The following ASTN2 variants were observed in gnomAD, a reference collection of about 807,000 sequenced individuals.
The protein encoded by ASTN2 is astrotactin 2, also known as astrotactin-2.
A neutral mutation model predicts 139.8 loss-of-function variants in ASTN2; 54 were observed. The ratio of observed to expected loss-of-function variants is 0.39; its 90% confidence interval spans 0.31 to 0.48. The LOEUF (loss-of-function observed/expected upper bound fraction) is 0.48. Ranked by LOEUF, ASTN2 falls within the 20% of genes least tolerant of loss-of-function variation. The probability of loss-of-function intolerance (pLI) is 0.95; values close to 1 mark genes in which losing one functional copy is unlikely to be tolerated. For missense variants in ASTN2, 1,565 were observed against 1,725.1 expected, an observed-to-expected ratio of 0.91 and a Z score of 1.64; for synonymous variants, 756 against 719.5, an observed-to-expected ratio of 1.05 and a Z score of -0.81.
chr9:117,361,658 G>A (rs1403662268), intron 1 of ASTN2, among the ~76,000 whole-genome samples: 4 of 152,142 alleles, frequency 2.6e-5, no homozygotes, highest in African/African-American at 7.2e-5. Context: ...CCATGGGGCA[G>A]TTCCCTGGAC....
intron 3 of ASTN2, among the ~76,000 whole-genome samples, chr9:117,200,296 T>A (rs1390537975): frequency 6.6e-6 from 1 of 150,776 alleles, no homozygotes; most frequent in African/African-American, 2.4e-5. Context: ...TATAAAATTA[T>A]GTCATCTGCA....
intron 13 of ASTN2, among the ~76,000 whole-genome samples, chr9:116,796,335 T>C (rs573225391): frequency 6.6e-6 from 1 of 152,270 alleles, no homozygotes; most frequent in Admixed American, 6.5e-5. Flanking sequence ...CACTTGGAAA[T>C]ACTGGTAAAA....
rs576395677 is a variant in ASTN2, at chr9:116,544,277, G to A, written c.3356-56777C>T. 1.1e-3 allele frequency among the ~76,000 whole-genome samples: 171 copies of A among 152,264 alleles called. 4 individuals carry two copies. The South Asian group carries it at 0.035, about 31-fold the overall frequency. Reference sequence around the variant, plus strand: ...ATGGAGTGTCCCCAGATATTTGGGGGAGGAGATAGGAGCAACCCAGAAACC... The same window carrying A: ...ATGGAGTGTCCCCAGATATTTGGGGAAGGAGATAGGAGCAACCCAGAAACC... On this transcript the variant is annotated intron_variant, in intron 19 of 22. Coordinates refer to ENST00000313400, the MANE Select transcript of ASTN2 (RefSeq NM_001365068.1).
chr9:116,502,701 A>C (rs1205428413), intron 19 of ASTN2, among the ~76,000 whole-genome samples: 6 of 41,788 alleles, frequency 1.4e-4, no homozygotes, highest in Non-Finnish European at 3.2e-4. Flanking sequence ...GAAGGAAGGA[A>C]GGAAGGAAGG....
chr9:116,518,231 G>A (rs1850729173), intron 19 of ASTN2, among the ~76,000 whole-genome samples: 1 of 152,098 alleles, frequency 6.6e-6, no homozygotes, highest in Non-Finnish European at 1.5e-5. Context: ...TCAGGACAAA[G>A]GAAAGAATCT....
intron 11 of ASTN2, among the ~76,000 whole-genome samples, chr9:116,823,200 C>A (rs909503653): frequency 6.6e-6 from 1 of 152,188 alleles, no homozygotes; most frequent in Non-Finnish European, 1.5e-5. Flanking sequence ...CAATTTCTTG[C>A]AGCAGACAAG....
chr9:116,735,769 G>A lies in ASTN2; in HGVS notation c.2397-2246C>T, dbSNP rs138463648. On this transcript the variant is annotated intron_variant, in intron 13 of 22. Coordinates refer to ENST00000313400, the MANE Select transcript of ASTN2 (RefSeq NM_001365068.1). ...AGGCTAAGGGTGAGGAGGTAGCTCA[G>A]CCTTGGAAGCTGAGAAGAGCCTATG... Among the ~76,000 whole-genome samples the A allele has an allele frequency of 3.5e-3, 534 of 152,300 alleles. 4 individuals carry two copies. Among genetic ancestry groups the A allele is most frequent in the African/African-American group, 0.01 (427 of 41,560 alleles).
intron 3 of ASTN2, among the ~76,000 whole-genome samples, chr9:117,213,611 T>C (rs929803858): frequency 1.3e-5 from 2 of 152,172 alleles, no homozygotes. Context: ...AAGTCTAATA[T>C]GAGCCAGCAA....
intron 3 of ASTN2, among the ~76,000 whole-genome samples, chr9:117,151,797 C>A (rs1395983609): frequency 6.6e-6 from 1 of 152,130 alleles, no homozygotes; most frequent in East Asian, 1.9e-4. Context: ...CAAGAGAATT[C>A]ATCTTCAAGC....
chr9:116,508,382 T>C (rs75332655), intron 19 of ASTN2, among the ~76,000 whole-genome samples: 6,067 of 152,240 alleles, frequency 0.04, 189 homozygotes, highest in Non-Finnish European at 0.062. Flanking sequence ...CCTGCAAGAA[T>C]TTCCGTATGC....
intron 11 of ASTN2, among the ~76,000 whole-genome samples, chr9:116,839,884 T>TTATTA (rs1564297197): frequency 0.024 from 1,916 of 79,134 alleles, 21 homozygotes; most frequent in African/African-American, 0.075. Context: ...TATTATTATT[T>TTATTA]TTTTTTTTTT....
intron 20 of ASTN2, among the ~76,000 whole-genome samples, chr9:116,485,002 T>A (rs150120404): frequency 1.3e-5 from 2 of 152,192 alleles, no homozygotes; most frequent in Non-Finnish European, 1.5e-5. Flanking sequence ...GGTTACTCCT[T>A]CTGTATTAGT....
chr9:116,845,597 G>C (rs1477842025), intron 11 of ASTN2, among the ~76,000 whole-genome samples: 1 of 152,136 alleles, frequency 6.6e-6, no homozygotes, highest in African/African-American at 2.4e-5. Context: ...CTCTAAAAAT[G>C]ATATACAAAC....
chr9:116,762,378 A>G (rs1352327442), intron 13 of ASTN2, among the ~76,000 whole-genome samples: 2 of 152,130 alleles, frequency 1.3e-5, no homozygotes, highest in Non-Finnish European at 2.9e-5. Flanking sequence ...CAGGGCCTCC[A>G]AGGAGAACTA....
intron 4 of ASTN2, among the ~76,000 whole-genome samples, chr9:117,126,190 T>G (rs1190400883): frequency 6.6e-6 from 1 of 152,220 alleles, no homozygotes; most frequent in Non-Finnish European, 1.5e-5. Context: ...TTTTTGTTGC[T>G]GCCTTATTTC....
chr9:116,814,538 A>G (rs191842745), intron 12 of ASTN2, among the ~76,000 whole-genome samples: 8 of 152,278 alleles, frequency 5.3e-5, no homozygotes, highest in Non-Finnish European at 1.2e-4. Context: ...TTTACATAAC[A>G]CTAAGAAAGA....
intron 20 of ASTN2, among the ~76,000 whole-genome samples, chr9:116,447,450 G>A (rs1848034396): frequency 6.6e-6 from 1 of 152,118 alleles, no homozygotes. Flanking sequence ...GCACACACAG[G>A]TCAGAATGAA....
intron 2 of ASTN2, among the ~76,000 whole-genome samples, chr9:117,234,926 GTT>G (rs2133063297): frequency 6.6e-6 from 1 of 152,286 alleles, no homozygotes; most frequent in Non-Finnish European, 1.5e-5. Flanking sequence ...GGTGTCTGCT[GTT>G]TTAGTGTATT....
chr9:116,957,691 T>G (rs189520376), intron 10 of ASTN2, among the ~76,000 whole-genome samples: 92 of 152,380 alleles, frequency 6.0e-4, no homozygotes, highest in African/African-American at 2.0e-3. Flanking sequence ...TTTTTGTTTT[T>G]GAGACGGAGT....
Sources: gnomAD v4.1 joint callset for allele counts (sites outside exome capture counted in the v4.1 genomes callset) on GRCh38, gnomAD v4.1.1 for gene constraint, MANE v1.5 for transcripts, NCBI Gene and HGNC (gene_info 2026-07-23, HGNC 2026-07-21) for gene names.